Variants in KCNC4 observed in about 807,000 individuals in gnomAD.
The protein encoded by KCNC4 is potassium voltage-gated channel subfamily C member 4, also known as voltage-gated potassium channel KCNC4.
A neutral mutation model predicts 42.8 loss-of-function variants in KCNC4; 23 were observed. The ratio of observed to expected loss-of-function variants is 0.54; its 90% CI spans 0.39 to 0.76. The LOEUF is 0.76. Ranked by LOEUF, KCNC4 falls within the 30% of genes least tolerant of loss-of-function variation. The pLI is 0.00. For missense variants in KCNC4, 751 were observed against 898.2 expected, an observed-to-expected ratio of 0.84 and a Z score of 2.10; for synonymous variants, 422 against 393.5, an observed-to-expected ratio of 1.07 and a Z score of -0.86.
At chr1:110,271,699 C>A (rs2101086331) in intron 1 of KCNC4, among the ~76,000 whole-genome samples, 1 of 152,090 alleles carries the variant, frequency 6.6e-6, no homozygotes, top group South Asian at 2.1e-4. Context: ...ACATTTAGGT[C>A]CAGTTTTGCT....
Position 110,211,829 on chromosome 1 carries a change from C to T in KCNC4, c.330C>T (p.Tyr110=), listed in dbSNP as rs752096441. ...PGVFAYVLNY[Y]RTGKLHCPAD... ...TCTTCGCCTACGTGCTCAACTACTA[C>T]CGCACCGGCAAGCTGCACTGCCCCG... Residue 110 remains tyrosine, a synonymous_variant, in exon 1 of 4, where the codon TAC becomes TAT. Transcript: ENST00000438661. This position sits in a 1 kb window ranked among gnomAD's most constrained non-coding sequence, Gnocchi z 6.5. The T allele has an allele frequency of 5.0e-6, 8 of 1,611,536 alleles. No homozygotes were observed. The highest frequency in any genetic ancestry group is 4.5e-5 in the East Asian group (2 of 44,880).
At chr1:110,268,610 GAAAAA>G (rs1177241176) in intron 1 of KCNC4, among the ~76,000 whole-genome samples, 4 of 82,070 alleles carry the variant, frequency 4.9e-5, no homozygotes, top group Admixed American at 1.5e-4. Context: ...TGTCTCAAAA[GAAAAA>G]AAAAAAAAAA....
At chr1:110,273,135 G>A (rs1450882779) in intron 1 of KCNC4, among the ~76,000 whole-genome samples, 1 of 152,154 alleles carries the variant, frequency 6.6e-6, no homozygotes, top group African/African-American at 2.4e-5. Flanking sequence ...AATGGACCCA[G>A]GAGCTGAAAG....
At chr1:110,268,699 G>A (rs1184686698) in intron 1 of KCNC4, among the ~76,000 whole-genome samples, 2 of 148,636 alleles carry the variant, frequency 1.3e-5, no homozygotes, top group African/African-American at 4.9e-5. Context: ...AGTTTCTCCC[G>A]TTCTGCTCAT....
downstream of KCNC4, among the ~76,000 whole-genome samples, chr1:110,253,812 G>A (rs570956727): frequency 6.6e-6 from 1 of 152,350 alleles, no homozygotes; most frequent in African/African-American, 2.4e-5. Context: ...CAGGGGTGGT[G>A]AAAGCATCTC....
Position 110,275,876 on chromosome 1 carries a change from TG to T in KCNC4, n.31-6656del, listed in dbSNP as rs201529386. Among the ~76,000 whole-genome samples, 1,428 of 147,148 alleles carry T rather than the reference TG, an allele frequency of 9.7e-3. 22 individuals are homozygous for T. The highest frequency in any genetic ancestry group is 0.032 in the African/African-American group (1,275 of 39,740). Reference sequence around the variant, plus strand: ...AGGAGGCTGACACAGGAGAATCACTTGGACCCGGGAGGTGGAGGTTGCAGTG... The same window carrying T: ...AGGAGGCTGACACAGGAGAATCACTTGACCCGGGAGGTGGAGGTTGCAGTG... On this transcript the variant is annotated intron_variant and non_coding_transcript_variant, in intron 1 of 2. Coordinates refer to the KCNC4 transcript ENST00000412512.
intron 1 of KCNC4, among the ~76,000 whole-genome samples, chr1:110,271,352 G>A (rs980052979): frequency 2.0e-5 from 3 of 152,152 alleles, no homozygotes; most frequent in Admixed American, 2.0e-4. Context: ...TGAAGCTTAG[G>A]GTGGGGAAGG....
chr1:110,278,840 C>G (rs1024907818), intron 1 of KCNC4, among the ~76,000 whole-genome samples: 1 of 152,194 alleles, frequency 6.6e-6, no homozygotes, highest in Non-Finnish European at 1.5e-5. Flanking sequence ...AGAGGTATCA[C>G]TTGTCACTGG....
At chr1:110,222,808 C>T (rs1160869450) in intron 1 of KCNC4, 156 bp from the exon 2 acceptor site, 1 of 608,136 alleles carries the variant, frequency 1.6e-6, no homozygotes, top group Non-Finnish European at 2.9e-6. Context: ...TAAAGACCCT[C>T]TGAGGAGGGA....
chr1:110,279,484 T>C (rs2101093676), intron 1 of KCNC4, among the ~76,000 whole-genome samples: 1 of 152,264 alleles, frequency 6.6e-6, no homozygotes, highest in African/African-American at 2.4e-5. Context: ...TCCCATGTGG[T>C]CTCCCTGAGA....
At chr1:110,216,621 G>C (rs564701602) in intron 1 of KCNC4, among the ~76,000 whole-genome samples, 1 of 152,166 alleles carries the variant, frequency 6.6e-6, no homozygotes, top group Non-Finnish European at 1.5e-5. Context: ...GGAAGAGCAG[G>C]CAGGCAGGAG....
At position 110,213,475 on chromosome 1, in the gene KCNC4, T is replaced by C. The variant is rs74115583; in HGVS notation, c.678+1298T>C. On this transcript the variant is annotated intron_variant, in intron 1 of 3. Coordinates refer to ENST00000438661, the MANE Select transcript of KCNC4 (RefSeq NM_001039574.3). ...TCATAGAAGAAGGCAGGGTAGGGAA[T>C]TGGGGAACAGGCCTGCAGGGAAAAG... is the stretch of plus-strand genomic sequence containing the variant. Among the ~76,000 whole-genome samples the C allele has an allele frequency of 7.1e-3, 1,083 of 152,218 alleles. 13 individuals are homozygous for C. Among genetic ancestry groups the C allele is most frequent in the African/African-American group, 0.025 (1,024 of 41,536 alleles).
At chr1:110,239,308 C>T (rs977752500) in exon 4 of KCNC4, 1 of 152,280 alleles carries the variant, frequency 6.6e-6, no homozygotes, top group Non-Finnish European at 1.5e-5. Flanking sequence ...AGTGTTTTTC[C>T]ACTTGCTTTT....
At chr1:110,213,185 A>AAAG in intron 1 of KCNC4, among the ~76,000 whole-genome samples, 1 of 151,162 alleles carries the variant, frequency 6.6e-6, no homozygotes, top group African/African-American at 2.4e-5. Context: ...AAAAAAAAAA[A>AAAG]AAAAAAAAAA....
chr1:110,275,592 C>A (rs1423598869), intron 1 of KCNC4, among the ~76,000 whole-genome samples: 1 of 152,118 alleles, frequency 6.6e-6, no homozygotes. Context: ...AATAGGGAAT[C>A]AACCTGAGTG....
chr1:110,266,749 C>T (rs76315898), intron 1 of KCNC4, among the ~76,000 whole-genome samples: 24,225 of 152,070 alleles, frequency 0.16, 1,963 homozygotes, highest in Admixed American at 0.18. Context: ...TTTGTATGGG[C>T]CCCATTTCTT....
At chr1:110,258,041 A>G (rs1413938903) in intron 1 of KCNC4, among the ~76,000 whole-genome samples, 1 of 152,224 alleles carries the variant, frequency 6.6e-6, no homozygotes, top group Non-Finnish European at 1.5e-5. Context: ...AGGGAGGTTA[A>G]GAAATGTTGT....
chr1:110,254,090 C>CGGTG (rs1553216643), downstream of KCNC4, among the ~76,000 whole-genome samples: 3 of 109,320 alleles, frequency 2.7e-5, no homozygotes, highest in African/African-American at 1.0e-4. Context: ...AGGCAGAAGT[C>CGGTG]GGGGGGGGGG....
At chr1:110,229,425 G>A (rs894386385) in intron 3 of KCNC4, among the ~76,000 whole-genome samples, 2 of 152,146 alleles carry the variant, frequency 1.3e-5, no homozygotes, top group Non-Finnish European at 2.9e-5. Context: ...CCCAGATTCA[G>A]TGGTGACTCC....
Sources: allele counts gnomAD v4.1 joint callset (sites outside exome capture counted in the v4.1 genomes callset), GRCh38; gene constraint gnomAD v4.1.1; non-coding constraint Gnocchi (gnomAD v3.1); transcripts MANE v1.5; gene names NCBI Gene and HGNC (gene_info 2026-07-23, HGNC 2026-07-21).